TANC1: variants seen among roughly 807,000 people sequenced by gnomAD.
TANC1 encodes tetratricopeptide repeat, ankyrin repeat and coiled-coil containing 1.
A neutral mutation model predicts 149.7 loss-of-function variants in TANC1; 77 were observed. The observed-to-expected ratio is 0.51, with a 90% confidence interval of 0.43 to 0.62. The LOEUF is 0.62. Ranked by LOEUF, TANC1 falls within the 20% of genes least tolerant of loss-of-function variation. The pLI is 0.00. For missense variants in TANC1, 1,985 were observed against 2,321.8 expected, an observed-to-expected ratio of 0.85 and a Z score of 2.98; for synonymous variants, 854 against 925.0, an observed-to-expected ratio of 0.92 and a Z score of 1.39.
intron 5 of TANC1, among the ~76,000 whole-genome samples, chr2:159,137,541 G>A (rs2050891350): frequency 6.6e-6 from 1 of 152,238 alleles, no homozygotes; most frequent in African/African-American, 2.4e-5. Flanking sequence ...CACACCGAAT[G>A]TTGCTGGTGA....
At chr2:159,188,142 T>C (rs2057154485) in intron 16 of TANC1, among the ~76,000 whole-genome samples, 1 of 141,244 alleles carries the variant, frequency 7.1e-6, no homozygotes, top group Admixed American at 7.0e-5. Flanking sequence ...CTTAAGTCTT[T>C]TCATTATCCT....
At position 158,968,762 on chromosome 2, in the gene TANC1, A is replaced by T. The variant is rs575306065; in HGVS notation, c.-146A>T. 2.0e-5 allele frequency: 3 copies of T among 152,194 alleles called. No homozygotes were observed. In the East Asian group the frequency reaches 5.8e-4, roughly 30 times the overall value. 9.4% of individuals were successfully genotyped at this position (152,194 alleles called of 1,614,324 possible). ...CTGGGTGTGGGGAACCGCGCTGAGG[A>T]GCTGGAAACTTTCCCGGCAGGTAAC... On this transcript the variant is annotated 5_prime_UTR_variant, in exon 1 of 27. Transcript: ENST00000263635.
chr2:159,003,564 A>G (rs1317289443), intron 2 of TANC1, among the ~76,000 whole-genome samples: 2 of 152,196 alleles, frequency 1.3e-5, no homozygotes, highest in Non-Finnish European at 2.9e-5. Flanking sequence ...AATGGGTTGG[A>G]TTCCTTAACA....
intron 7 of TANC1, among the ~76,000 whole-genome samples, chr2:159,158,375 C>T (rs2053655502): frequency 6.6e-6 from 1 of 152,012 alleles, no homozygotes; most frequent in African/African-American, 2.4e-5. Flanking sequence ...AAAAAAAAAC[C>T]ATGTAGAGCC....
chr2:158,970,062 T>G (rs2032615063), intron 1 of TANC1, among the ~76,000 whole-genome samples: 1 of 151,286 alleles, frequency 6.6e-6, no homozygotes, highest in Non-Finnish European at 1.5e-5. Context: ...TTCAGAATCT[T>G]TGAGGAAAGG....
intron 2 of TANC1, among the ~76,000 whole-genome samples, chr2:159,065,571 C>G (rs542120104): frequency 6.6e-6 from 1 of 150,548 alleles, no homozygotes; most frequent in East Asian, 1.9e-4. Context: ...TGCCAAATAT[C>G]TTGCAGTACT....
At chr2:159,222,316 G>A (rs2059755967) in intron 22 of TANC1, among the ~76,000 whole-genome samples, 1 of 152,138 alleles carries the variant, frequency 6.6e-6, no homozygotes, top group Admixed American at 6.5e-5. Context: ...AGTAGTTTAA[G>A]TATATTCACA....
In TANC1 at chr2:159,031,714, T is replaced by C. The variant is rs541170890; in HGVS notation, c.-16+30525T>C. Among the ~76,000 whole-genome samples the C allele has an allele frequency of 8.5e-5, 13 of 152,220 alleles. No individual in the cohort carries two copies. The East Asian group carries it at 2.1e-3, about 25-fold the overall frequency. On this transcript the variant is annotated intron_variant, in intron 2 of 26. Transcript: ENST00000263635. ...GAGCTTTGGAAAAAAGAAATAAATA[T>C]GAAGTCACCCAATAATCCATTCTGA...
intron 2 of TANC1, among the ~76,000 whole-genome samples, chr2:159,013,042 A>G (rs2037923327): frequency 6.6e-6 from 1 of 152,236 alleles, no homozygotes; most frequent in South Asian, 2.1e-4. Flanking sequence ...GGAGAAGGTC[A>G]TAAACAAATG....
intron 2 of TANC1, among the ~76,000 whole-genome samples, chr2:159,045,040 A>G (rs1388428024): frequency 2.6e-5 from 4 of 152,266 alleles, no homozygotes; most frequent in African/African-American, 4.8e-5. Context: ...AGCTTTAAAA[A>G]TTAGGATACT....
chr2:159,229,760 C>T lies in TANC1; in HGVS notation c.4334C>T (p.Thr1445Ile). 1 of 1,614,072 alleles carries T rather than the reference C, an allele frequency of 6.2e-7. No individual in the cohort carries two copies. ...AACGACTCCGAGAACGAAGAGGACACCCCAACCCCTGGCTTAAGTGACCAC... is the reference window on the plus strand; with the variant it reads ...AACGACTCCGAGAACGAAGAGGACATCCCAACCCCTGGCTTAAGTGACCAC... ...PLNDSENEED[T>I]PTPGLSDHFH... is the part of the protein sequence containing the mutation. Residue 1445 changes from threonine (T) to isoleucine (I), a missense_variant, in exon 27 of 27, where the codon ACC becomes ATC. Around this residue, in one of 3 missense-constraint regions of TANC1, gnomAD observed 920 missense variants for 994.7 expected, o/e 0.92. Transcript: ENST00000263635.
intron 1 of TANC1, among the ~76,000 whole-genome samples, chr2:158,971,582 C>G (rs1230250472): frequency 6.6e-6 from 1 of 152,192 alleles, no homozygotes; most frequent in Non-Finnish European, 1.5e-5. Context: ...TCCCTGCCCC[C>G]TTTCTCCCCA....
At chr2:158,969,235 G>A (rs1433221513) in intron 1 of TANC1, among the ~76,000 whole-genome samples, 2 of 152,216 alleles carry the variant, frequency 1.3e-5, no homozygotes, top group South Asian at 2.1e-4. Flanking sequence ...GGAGGCGGGG[G>A]GAGGCGCGCC....
At chr2:159,162,499 T>C (rs2054139769) in intron 7 of TANC1, among the ~76,000 whole-genome samples, 1 of 152,214 alleles carries the variant, frequency 6.6e-6, no homozygotes, top group Non-Finnish European at 1.5e-5. Context: ...AAGTGACTCT[T>C]TGTAGAAGCT....
Position 159,228,900 on chromosome 2 carries a change from C to A in TANC1, c.4151+4C>A. 1 of 1,609,346 alleles carries A rather than the reference C, an allele frequency of 6.2e-7. No homozygotes were observed. ...CAAGAGCGAAGAGAAATAGCAGGTACCGTCTGTGGTTATCTTTGTGTCTAG... is the reference window on the plus strand; with the variant it reads ...CAAGAGCGAAGAGAAATAGCAGGTAACGTCTGTGGTTATCTTTGTGTCTAG... On this transcript the variant is annotated splice_donor_region_variant and intron_variant, in intron 26 of 26. Coordinates refer to ENST00000263635, the MANE Select transcript of TANC1 (RefSeq NM_033394.3).
At chr2:159,015,289 T>C (rs1342921833) in intron 2 of TANC1, among the ~76,000 whole-genome samples, 1 of 152,170 alleles carries the variant, frequency 6.6e-6, no homozygotes, top group Non-Finnish European at 1.5e-5. Context: ...GAGGCCACAG[T>C]CCAAGCTCTA....
chr2:158,987,211 T>C (rs926699564), intron 1 of TANC1, among the ~76,000 whole-genome samples: 2 of 58,268 alleles, frequency 3.4e-5, no homozygotes, highest in East Asian at 4.2e-4. Flanking sequence ...AAGACTCATC[T>C]CCAAAAAAAA....
intron 2 of TANC1, among the ~76,000 whole-genome samples, chr2:159,053,128 AT>A (rs11421314): frequency 1.1e-4 from 17 of 149,506 alleles, no homozygotes; most frequent in East Asian, 3.9e-4. Context: ...TTAAACCTGA[AT>A]TTTTTTTTTT....
chr2:159,149,546 A>G, intron 6 of TANC1: 1 of 428,878 alleles, frequency 2.3e-6, no homozygotes, highest in South Asian at 2.3e-5. Context: ...AGAGGCTAAA[A>G]GAATGCCTTC....
Sources: allele counts gnomAD v4.1 joint callset (sites outside exome capture counted in the v4.1 genomes callset), GRCh38; gene constraint gnomAD v4.1.1; regional missense constraint gnomAD v4.1.1; transcripts MANE v1.5; gene names NCBI Gene and HGNC (gene_info 2026-07-23, HGNC 2026-07-21).